Variants in DLGAP1 observed in about 807,000 individuals in gnomAD.
DLGAP1 encodes disks large-associated protein 1.
In DLGAP1, 11 loss-of-function variants were observed where a neutral mutation model predicts 90.8. That is an observed-to-expected ratio of 0.12 (90% confidence interval 0.08 to 0.20). The LOEUF (loss-of-function observed/expected upper bound fraction) is 0.20, where lower values mean the gene tolerates loss of function less well. Among genes scored for constraint, DLGAP1 ranks in the 10% least tolerant of loss-of-function variants. The probability of loss-of-function intolerance (pLI) is 1.00; values close to 1 mark genes in which losing one functional copy is unlikely to be tolerated. For missense variants in DLGAP1, 1,050 were observed against 1,333.8 expected (o/e 0.79, Z 3.31); for synonymous variants, 558 against 540.7 (o/e 1.03, Z -0.44).
rs2071080436 is a variant in DLGAP1, at chr18:3,879,187, C to G, written c.882G>C (p.Lys294Asn). Residue 294 changes from lysine (K) to asparagine (N), a missense_variant, in exon 4 of 13, where the codon AAG becomes AAC. This residue lies in a region of DLGAP1 where 485 missense variants were observed against 454.1 expected (regional missense o/e 1.07). Transcript: ENST00000315677. The surrounding 1 kb of genome is among the most constrained non-coding windows in gnomAD (Gnocchi z 6.6). Reference sequence around the variant, plus strand: ...TGGCCTGGTCCATGTTCACCGAGGCCTTCTGGTAAACCTCCCGGGCCCGGC... The same window carrying G: ...TGGCCTGGTCCATGTTCACCGAGGCGTTCTGGTAAACCTCCCGGGCCCGGC... ...TVSRAREVYQ[K>N]ASVNMDQAMV... 1 of 1,530,188 alleles carries G rather than the reference C, an allele frequency of 6.5e-7. No individual in the cohort carries two copies. The highest frequency in any genetic ancestry group is 8.8e-7 in the Non-Finnish European group (1 of 1,139,560). The allele number at this position is 1,530,188 out of a possible 1,614,324, so 94.8% of individuals were successfully genotyped here.
At chr18:4,365,626 A>T (rs2081746155) in intron 1 of DLGAP1, among the ~76,000 whole-genome samples, 2 of 152,124 alleles carry the variant, frequency 1.3e-5, no homozygotes, top group South Asian at 2.1e-4. Context: ...ATGCATATGG[A>T]TATGTGTATG....
intron 3 of DLGAP1, among the ~76,000 whole-genome samples, chr18:3,997,124 C>T (rs75320700): frequency 0.33 from 32,564 of 99,558 alleles, 11,061 homozygotes; most frequent in Non-Finnish European, 0.44. Context: ...ACCTTTCCCA[C>T]GGGAAAGGTT....
At chr18:3,637,850 C>T (rs1034987911) in intron 7 of DLGAP1, among the ~76,000 whole-genome samples, 4 of 151,728 alleles carry the variant, frequency 2.6e-5, no homozygotes, top group African/African-American at 4.8e-5. Context: ...AAGACTAATG[C>T]CTGACTTACG....
At chr18:3,538,974 A>T (rs1393084292) in intron 9 of DLGAP1, among the ~76,000 whole-genome samples, 2 of 152,226 alleles carry the variant, frequency 1.3e-5, no homozygotes, top group Non-Finnish European at 2.9e-5. Context: ...CAGTGTAGTC[A>T]CTCAGAAAGA....
intron 2 of DLGAP1, among the ~76,000 whole-genome samples, chr18:4,142,344 CTCT>C (rs1215422250): frequency 6.6e-6 from 1 of 152,080 alleles, no homozygotes; most frequent in Non-Finnish European, 1.5e-5. Flanking sequence ...GAAGAAATAA[CTCT>C]TCTATTGTGA....
At chr18:3,978,630 A>G (rs1056534687) in intron 3 of DLGAP1, 10 of 191,432 alleles carry the variant, frequency 5.2e-5, no homozygotes, top group Non-Finnish European at 8.9e-5. Flanking sequence ...TCTCAGGGAC[A>G]TGGCTGGTTC....
At chr18:3,870,835 C>G (rs749248800) in intron 4 of DLGAP1, among the ~76,000 whole-genome samples, 1 of 152,172 alleles carries the variant, frequency 6.6e-6, no homozygotes, top group Non-Finnish European at 1.5e-5. Context: ...GTGTTCTGCT[C>G]TATGCATCCT....
chr18:4,194,882 G>A (rs1005468867), intron 1 of DLGAP1, among the ~76,000 whole-genome samples: 1 of 152,090 alleles, frequency 6.6e-6, no homozygotes, highest in African/African-American at 2.4e-5. Flanking sequence ...ATTAAATCAA[G>A]CCATTTAACA....
intron 9 of DLGAP1, among the ~76,000 whole-genome samples, chr18:3,554,759 T>C (rs943372723): frequency 1.2e-4 from 18 of 152,210 alleles, no homozygotes; most frequent in Non-Finnish European, 1.8e-4. Flanking sequence ...ACACTAAATT[T>C]AGAAGTCTAC....
intron 1 of DLGAP1, among the ~76,000 whole-genome samples, chr18:4,381,162 A>G (rs77519610): frequency 0.018 from 2,795 of 152,270 alleles, 61 homozygotes; most frequent in African/African-American, 0.049. Flanking sequence ...TGTTAAAATT[A>G]TTGTGCTTTT....
intron 1 of DLGAP1, among the ~76,000 whole-genome samples, chr18:4,379,311 A>G (rs2082073215): frequency 1.3e-5 from 2 of 152,062 alleles, no homozygotes; most frequent in South Asian, 2.1e-4. Context: ...TTTTAGCTCT[A>G]CTCCCAAGAA....
Position 4,039,204 on chromosome 18 carries a change from C to G in DLGAP1, c.-158-34003G>C, listed in dbSNP as rs957190581. Among the ~76,000 whole-genome samples the G allele has an allele frequency of 2.0e-5, 3 of 152,176 alleles. No individual in the cohort carries two copies. The East Asian group carries it at 5.8e-4, about 29-fold the overall frequency. On this transcript the variant is annotated intron_variant, in intron 2 of 12. Transcript: ENST00000315677. Reference sequence around the variant, plus strand: ...AGAATAAGAGAATATTCAACACCAACGTCCTTGAGGGTGGAGACGATAGTT... The same window carrying G: ...AGAATAAGAGAATATTCAACACCAAGGTCCTTGAGGGTGGAGACGATAGTT...
intron 1 of DLGAP1, among the ~76,000 whole-genome samples, chr18:4,174,736 A>G (rs113627682): frequency 0.013 from 1,922 of 152,262 alleles, 60 homozygotes; most frequent in African/African-American, 0.044. Context: ...TGCTGCATCT[A>G]TTGACCTGTC....
At chr18:4,390,411 C>T (rs563164066) in intron 1 of DLGAP1, among the ~76,000 whole-genome samples, 13 of 152,116 alleles carry the variant, frequency 8.5e-5, no homozygotes, top group South Asian at 6.3e-4. Flanking sequence ...GGCTCATTCT[C>T]GGTGTTGCAC....
At position 3,514,314 on chromosome 18, in the gene DLGAP1, C is replaced by T. The variant is rs188726393; in HGVS notation, c.2480-5653G>A. On this transcript the variant is annotated intron_variant, in intron 10 of 12. Coordinates refer to ENST00000315677, the MANE Select transcript of DLGAP1 (RefSeq NM_004746.4). ...TTCTTACATGATGCTACACCTAACTCCACGATCATCAGACCTTACTTTAAG... is the reference window on the plus strand; with the variant it reads ...TTCTTACATGATGCTACACCTAACTTCACGATCATCAGACCTTACTTTAAG... Among the ~76,000 whole-genome samples, 212 of 152,250 alleles carry T rather than the reference C, an allele frequency of 1.4e-3. 1 individual carries two copies. The highest frequency in any genetic ancestry group is 2.3e-3 in the Non-Finnish European group (156 of 68,014).
chr18:3,929,334 T>A (rs1469613876), intron 3 of DLGAP1, among the ~76,000 whole-genome samples: 1 of 152,164 alleles, frequency 6.6e-6, no homozygotes, highest in African/African-American at 2.4e-5. Flanking sequence ...AATTTGCAAA[T>A]GAATTTGAAA....
intron 1 of DLGAP1, among the ~76,000 whole-genome samples, chr18:4,421,389 G>A (rs117715471): frequency 4.3e-4 from 65 of 152,236 alleles, no homozygotes; most frequent in Non-Finnish European, 8.2e-4. Flanking sequence ...ATAGTCCAGT[G>A]TAAACCTCTT....
intron 1 of DLGAP1, among the ~76,000 whole-genome samples, chr18:4,287,332 T>C (rs2079724464): frequency 6.6e-6 from 1 of 152,164 alleles, no homozygotes; most frequent in African/African-American, 2.4e-5. Context: ...AAATACCATT[T>C]GACCCAGCAA....
Position 3,649,520 on chromosome 18 carries a change from G to A in DLGAP1, c.1592-67272C>T, listed in dbSNP as rs79883461. On this transcript the variant is annotated intron_variant, in intron 7 of 12. Coordinates refer to ENST00000315677, the MANE Select transcript of DLGAP1 (RefSeq NM_004746.4). The stretch of plus-strand genomic sequence containing the variant: ...CATTAGACACTGGAAAGAGGAAAGC[G>A]GGAAGGAGAGCACCTACTGCCTTCC... Among the ~76,000 whole-genome samples the A allele has an allele frequency of 8.7e-3, 1,320 of 152,290 alleles. 12 individuals are homozygous for A. Among genetic ancestry groups the A allele is most frequent in the Middle Eastern group, 0.041 (12 of 294 alleles).
Sources: gnomAD v4.1 joint callset for allele counts (sites outside exome capture counted in the v4.1 genomes callset) on GRCh38, gnomAD v4.1.1 for gene constraint, gnomAD v4.1.1 regional missense constraint, Gnocchi (gnomAD v3.1) non-coding constraint, MANE v1.5 for transcripts, NCBI Gene and HGNC (gene_info 2026-07-23, HGNC 2026-07-21) for gene names.